COPZ2: variants seen among roughly 807,000 people sequenced by gnomAD.
The protein encoded by COPZ2 is coat protein complex I subunit zeta 2, also known as coatomer subunit zeta-2.
In COPZ2, 30 loss-of-function variants were observed where a neutral mutation model predicts 33.2. That is an observed-to-expected ratio of 0.90 (90% CI 0.68 to 1.23). COPZ2 has a LOEUF of 1.23. Among genes scored for constraint, COPZ2 ranks in the 50% most tolerant of loss-of-function variants. The pLI is 0.00. For synonymous variants in COPZ2, 89 were observed against 102.6 expected (o/e 0.87, Z 0.80); for missense variants, 263 against 262.4 (o/e 1.00, Z -0.02).
At chr17:48,032,569 T>C in intron 5 of COPZ2, 117 bp downstream of exon 5, 1 of 873,824 alleles carries the variant, frequency 1.1e-6, no homozygotes, top group South Asian at 1.6e-5. Context: ...CTGTGAACTT[T>C]TCTTTTTGGA....
chr17:48,037,178 GT>G lies in COPZ2; in HGVS notation c.112-254del, dbSNP rs751476235. 789 of 733,172 alleles carry G rather than the reference GT, an allele frequency of 1.1e-3. 2 individuals are homozygous for G. Among genetic ancestry groups the G allele is most frequent in the Non-Finnish European group, 1.6e-3 (631 of 388,480 alleles). The allele number at this position is 733,172 out of a possible 1,614,324, so 45.4% of individuals were successfully genotyped here. ...GTGCAGAAGGTCCTTCCGGGCCCAAGTTCTGTCATGCACTGACTGCTCCAGA... is the reference window on the plus strand; with the variant it reads ...GTGCAGAAGGTCCTTCCGGGCCCAAGTCTGTCATGCACTGACTGCTCCAGA... On this transcript the variant is annotated intron_variant, in intron 1 of 8. Transcript: ENST00000621465. The surrounding 1 kb of genome is among the most constrained non-coding windows in gnomAD (Gnocchi z 5.6).
In COPZ2 at chr17:48,036,864, C is replaced by G. The variant is rs772816136; in HGVS notation, c.173G>C (p.Arg58Pro). The G allele has an allele frequency of 6.2e-7, 1 of 1,613,362 alleles. No individual in the cohort carries two copies. Among genetic ancestry groups the G allele is most frequent in the Non-Finnish European group, 8.5e-7 (1 of 1,179,778 alleles). ...GTCAGAGGTTACCTTGGCCAGCAGC[C>G]GGCGCCCGTCATTATCTAGGATGAA... is the stretch of plus-strand genomic sequence containing the variant. ...AVFILDNDGR[R>P]LLAKYYDDTF... Residue 58 changes from arginine (R) to proline (P), a missense_variant, in exon 2 of 9, where the codon CGG becomes CCG. By Grantham distance (103) the Arg-to-Pro change is moderately radical. Transcript: ENST00000621465.
upstream of COPZ2, among the ~76,000 whole-genome samples, chr17:48,042,925 C>G (rs1046291396): frequency 3.9e-5 from 6 of 152,364 alleles, no homozygotes; most frequent in Non-Finnish European, 8.8e-5. Flanking sequence ...CCCCACACAT[C>G]CTGAAGTGCA....
Position 48,032,172 on chromosome 17 carries a change from C to A in COPZ2, c.478G>T (p.Glu160Ter). The A allele has an allele frequency of 6.2e-7, 1 of 1,613,420 alleles. No individual in the cohort carries two copies. Among genetic ancestry groups the A allele is most frequent in the South Asian group, 1.1e-5 (1 of 90,844 alleles). The change falls in exon 6 of 9, where the codon GAG becomes TAG. Residue 160 changes from glutamate (E) to a stop codon, truncating the protein, a stop_gained. Coordinates refer to ENST00000621465, the MANE Select transcript of COPZ2 (RefSeq NM_016429.4). LOFTEE classifies it high-confidence loss of function. ...CCTCCTCACCCGCCATCCACAATCT[C>A]GTCCAGCACCAAGAAGGCTCCGTCC... ...NMDGAFLVLD[E>*]IVDGGVILES...
At position 48,028,069 on chromosome 17, in the gene COPZ2, G is replaced by A. The variant is rs71377338; in HGVS notation, c.585+403C>T. On this transcript the variant is annotated intron_variant, in intron 8 of 8. Coordinates refer to ENST00000621465, the MANE Select transcript of COPZ2 (RefSeq NM_016429.4). This position sits in a 1 kb window ranked among gnomAD's most constrained non-coding sequence, Gnocchi z 4.5. ...TGCACCCTAAGTGGCAAGGACAGGGGTTAAGAGCCAAACTCCTATTTGGTA... is the reference window on the plus strand; with the variant it reads ...TGCACCCTAAGTGGCAAGGACAGGGATTAAGAGCCAAACTCCTATTTGGTA... Among the ~76,000 whole-genome samples, 3,095 of 152,268 alleles carry A rather than the reference G, an allele frequency of 0.02. 111 individuals carry two copies. Among genetic ancestry groups the A allele is most frequent in the African/African-American group, 0.07 (2,925 of 41,526 alleles).
chr17:48,028,433 T>G lies in COPZ2; in HGVS notation c.585+39A>C, dbSNP rs2036845612. 2 of 1,599,146 alleles carry G rather than the reference T, an allele frequency of 1.3e-6. No individual in the cohort carries two copies. Among genetic ancestry groups the G allele is most frequent in the African/African-American group, 1.3e-5 (1 of 74,674 alleles). On this transcript the variant is annotated intron_variant, in intron 8 of 8. Coordinates refer to ENST00000621465, the MANE Select transcript of COPZ2 (RefSeq NM_016429.4). This position sits in a 1 kb window ranked among gnomAD's most constrained non-coding sequence, Gnocchi z 4.5. The stretch of plus-strand genomic sequence containing the variant: ...GGATGCTCTGCTCCCCGTATCTCTC[T>G]AGACCATTTCTAGCCAAGGCAGATG...
At chr17:48,047,960 T>C in the COPZ2 span, 1 of 152,306 alleles carries the variant, frequency 6.6e-6, no homozygotes, top group Non-Finnish European at 1.5e-5. Context: ...CGATACACCT[T>C]CCTATTCCCT....
intron 2 of COPZ2, among the ~76,000 whole-genome samples, chr17:48,035,437 C>T (rs1199736802): frequency 6.6e-6 from 1 of 152,152 alleles, no homozygotes; most frequent in Non-Finnish European, 1.5e-5. Context: ...ACTCTATAAC[C>T]CAGATTGGAG....
Position 48,028,394 on chromosome 17 carries a change from CCTAGGATGCT to C in COPZ2, c.585+68_585+77del, listed in dbSNP as rs1420930429. ...AGACTTGATAACTTCACTGGGTCCC[CCTAGGATGCT>C]CTAGGATGCTCTGCTCCCCGTATCT... On this transcript the variant is annotated intron_variant, in intron 8 of 8. Transcript: ENST00000621465. This position sits in a 1 kb window ranked among gnomAD's most constrained non-coding sequence, Gnocchi z 4.5. The C allele has an allele frequency of 7.0e-6, 10 of 1,433,482 alleles. No homozygotes were observed. The highest frequency in any genetic ancestry group is 1.8e-4 in the Middle Eastern group (1 of 5,632). The allele number at this position is 1,433,482 out of a possible 1,614,324, so 88.8% of individuals were successfully genotyped here. A position where few individuals can be genotyped will look rare whatever the true frequency, so the allele number is the denominator to read the frequency against.
intron 8 of COPZ2, among the ~76,000 whole-genome samples, chr17:48,026,895 C>T (rs560733269): frequency 1.3e-5 from 2 of 152,376 alleles, no homozygotes; most frequent in African/African-American, 4.8e-5. Context: ...AACACCCCAC[C>T]GCAACCCACT....
chr17:48,027,886 C>G (rs1388763907), intron 8 of COPZ2: 5 of 152,338 alleles, frequency 3.3e-5, no homozygotes, highest in Non-Finnish European at 7.3e-5. Context: ...CCAGGAACCT[C>G]CCCCTGGCCT....
chr17:48,033,862 C>T lies in COPZ2; in HGVS notation c.268+1G>A. 6.2e-7 allele frequency: 1 copy of T among 1,603,958 alleles called. No homozygotes were observed. The highest frequency in any genetic ancestry group is 8.5e-7 in the Non-Finnish European group (1 of 1,173,560). On this transcript the variant is annotated splice_donor_variant, in intron 3 of 8. Transcript: ENST00000621465. LOFTEE classifies it high-confidence loss of function. ...TGCTGGAGGAAGAGGGGGACACTTA[C>T]TCTCAGTCCGGCTGGTCTTGTTGAA...
chr17:48,040,493 C>T (rs576400341), upstream of COPZ2, among the ~76,000 whole-genome samples: 12 of 145,958 alleles, frequency 8.2e-5, no homozygotes, highest in East Asian at 2.1e-3. Flanking sequence ...AGTGCAGTGG[C>T]GAGATCTCGG....
chr17:48,033,778 A>T, intron 3 of COPZ2, 85 bp downstream of exon 3: 1 of 1,087,788 alleles, frequency 9.2e-7, no homozygotes, highest in Non-Finnish European at 1.4e-6. Flanking sequence ...GTGGGTGTGC[A>T]AGGCTGATGG....
chr17:48,034,172 G>A (rs149276628), intron 2 of COPZ2, among the ~76,000 whole-genome samples: 7 of 152,276 alleles, frequency 4.6e-5, no homozygotes, highest in African/African-American at 9.6e-5. Context: ...GCAGTGGCAC[G>A]ATCTCGGCTC....
At chr17:48,029,090 A>G in intron 7 of COPZ2, 35 bp downstream of exon 7, 17 of 1,554,638 alleles carry the variant, frequency 1.1e-5, no homozygotes, top group Non-Finnish European at 1.5e-5. Context: ...CAGGAAGGGC[A>G]GCCTAAAAGA....
At chr17:48,036,709 C>T (rs2036988308) in intron 2 of COPZ2, 142 bp downstream of exon 2, 2 of 683,348 alleles carry the variant, frequency 2.9e-6, no homozygotes, top group Non-Finnish European at 5.1e-6. Context: ...AGCACCTTGA[C>T]AAGGCAGGAG....
Position 48,037,266 on chromosome 17 carries a change from T to C in COPZ2, c.112-341A>G. 1 of 554,584 alleles carries C rather than the reference T, an allele frequency of 1.8e-6. No homozygotes were observed. The highest frequency in any genetic ancestry group is 1.5e-5 in the South Asian group (1 of 64,858). 34.4% of individuals were successfully genotyped at this position (554,584 alleles called of 1,614,324 possible). On this transcript the variant is annotated intron_variant, in intron 1 of 8. Transcript: ENST00000621465. The surrounding 1 kb of genome is among the most constrained non-coding windows in gnomAD (Gnocchi z 5.6). ...GGGGACAGCGGGCCGAGCCTCCTTC[T>C]TCCAGCTGATCCCTGGCCGGGCTGG...
Position 48,028,332 on chromosome 17 carries a change from A to C in COPZ2, c.585+140T>G. ...GAGTCTTTCCAAGATATGACCTGTCACTGCCTCATCCCTTCCCTTCTCACC... is the reference window on the plus strand; with the variant it reads ...GAGTCTTTCCAAGATATGACCTGTCCCTGCCTCATCCCTTCCCTTCTCACC... On this transcript the variant is annotated intron_variant, in intron 8 of 8. Coordinates refer to ENST00000621465, the MANE Select transcript of COPZ2 (RefSeq NM_016429.4). The surrounding 1 kb of genome is among the most constrained non-coding windows in gnomAD (Gnocchi z 4.5). The C allele has an allele frequency of 1.2e-6, 1 of 822,336 alleles. No homozygotes were observed. The highest frequency in any genetic ancestry group is 2.9e-5 in the East Asian group (1 of 34,190). 50.9% of individuals were successfully genotyped at this position (822,336 alleles called of 1,614,324 possible).
Sources: gnomAD v4.1 joint callset for allele counts (sites outside exome capture counted in the v4.1 genomes callset) on GRCh38, gnomAD v4.1.1 for gene constraint, Gnocchi (gnomAD v3.1) non-coding constraint, MANE v1.5 for transcripts, NCBI Gene and HGNC (gene_info 2026-07-23, HGNC 2026-07-21) for gene names.